Variants in ITSN1 observed in about 807,000 individuals in gnomAD.
ITSN1 encodes intersectin 1, also known as intersectin-1.
ITSN1 carries 58 observed loss-of-function variants against 239.8 expected under a neutral mutation model. The observed-to-expected ratio is 0.24, with a 90% confidence interval of 0.20 to 0.30. The LOEUF is 0.30. ITSN1 is among the 10% of genes least tolerant of loss of function. The pLI is 1.00. For synonymous variants in ITSN1, 780 were observed against 770.8 expected (o/e 1.01, Z -0.20); for missense variants, 1,558 against 2,103.3 (o/e 0.74, Z 5.07).
chr21:33,660,355 T>C (rs928747178), intron 1 of ITSN1, among the ~76,000 whole-genome samples: 3 of 152,204 alleles, frequency 2.0e-5, no homozygotes, highest in Non-Finnish European at 4.4e-5. Flanking sequence ...CAAGGAACTT[T>C]TCTTCATGTG....
At chr21:33,867,162 C>A in intron 32 of ITSN1, 71 bp from the exon 33 acceptor site, 1 of 855,424 alleles carries the variant, frequency 1.2e-6, no homozygotes, top group Non-Finnish European at 2.0e-6. Context: ...TCCTCACTGA[C>A]ATTAGTATTG....
Position 33,755,322 on chromosome 21 carries a change from G to C in ITSN1, c.649G>C (p.Val217Leu), listed in dbSNP as rs1013208908. Reference sequence around the variant, plus strand: ...TGTCCCACCAGTGGCAGAGTGGGCTGTTCCTCAGTCATCAAGACTGAAATA... The same window carrying C: ...TGTCCCACCAGTGGCAGAGTGGGCTCTTCCTCAGTCATCAAGACTGAAATA... Reference protein sequence around the residue: ...ASVPPVAEWAVPQSSRLKYRQ... With the variant: ...ASVPPVAEWALPQSSRLKYRQ... Residue 217 changes from valine (V) to leucine (L), a missense_variant, in exon 8 of 40, where the codon GTT (valine) becomes CTT (leucine). Val to Leu is a conservative substitution (Grantham distance 32). This residue lies in a region of ITSN1 where 982 missense variants were observed against 1,209.9 expected (regional missense o/e 0.81). Transcript: ENST00000381318. 4 of 1,610,382 alleles carry C rather than the reference G, an allele frequency of 2.5e-6. No individual in the cohort carries two copies. The highest frequency in any genetic ancestry group is 2.5e-6 in the Non-Finnish European group (3 of 1,177,862).
intron 1 of ITSN1, among the ~76,000 whole-genome samples, chr21:33,653,020 A>T (rs1348609732): frequency 2.8e-5 from 4 of 144,564 alleles, no homozygotes; most frequent in African/African-American, 7.8e-5. Context: ...TTTTTGACAG[A>T]GTCGTGTTTT....
Position 33,876,180 on chromosome 21 carries a change from TCCTTCCTTCTC to T in ITSN1, c.4341+660_4341+670del. Among the ~76,000 whole-genome samples, 8 of 144,462 alleles carry T rather than the reference TCCTTCCTTCTC, an allele frequency of 5.5e-5. No individual in the cohort carries two copies. In the South Asian group the frequency reaches 9.1e-4, roughly 16 times the overall value. The allele number at this position is 144,462 out of a possible 152,430, so 94.8% of individuals were successfully genotyped here. A position where few individuals can be genotyped will look rare whatever the true frequency, so the allele number is the denominator to read the frequency against. On this transcript the variant is annotated intron_variant, in intron 34 of 39. Coordinates refer to ENST00000381318, the MANE Select transcript of ITSN1 (RefSeq NM_003024.3). ...CTCTCTCCCTCTTTCTTTCTTTCCTTCCTTCCTTCTCTCTTTCTCCTTCCTTCCTCTCTTCT... is the reference window on the plus strand; with the variant it reads ...CTCTCTCCCTCTTTCTTTCTTTCCTTTCTTTCTCCTTCCTTCCTCTCTTCT...
intron 29 of ITSN1, among the ~76,000 whole-genome samples, chr21:33,839,527 C>T (rs1174823890): frequency 7.2e-5 from 11 of 152,120 alleles, no homozygotes; most frequent in Admixed American, 7.2e-4. Flanking sequence ...CTCACTGTCC[C>T]CCAGGCCACC....
chr21:33,671,881 C>T (rs74711407), intron 1 of ITSN1, among the ~76,000 whole-genome samples: 5,692 of 152,258 alleles, frequency 0.037, 351 homozygotes, highest in African/African-American at 0.13. Flanking sequence ...GTATATCCAT[C>T]TTGTCCTTTT....
At chr21:33,789,002 T>C (rs1452223664) in intron 16 of ITSN1, among the ~76,000 whole-genome samples, 1 of 152,216 alleles carries the variant, frequency 6.6e-6, no homozygotes, top group Admixed American at 6.5e-5. Context: ...AAATGGGCTA[T>C]CAGTTTACCT....
chr21:33,862,164 C>CAAAAAAA (rs59129090), intron 31 of ITSN1, among the ~76,000 whole-genome samples: 3 of 79,820 alleles, frequency 3.8e-5, no homozygotes, highest in African/African-American at 5.4e-5. Context: ...GACTGTGTCA[C>CAAAAAAA]AAAAAAAAAA....
chr21:33,749,114 A>G (rs2067379191), intron 5 of ITSN1, among the ~76,000 whole-genome samples: 1 of 150,798 alleles, frequency 6.6e-6, no homozygotes, highest in Admixed American at 6.6e-5. Context: ...TCAGCCTTCC[A>G]TGTAGCTAGG....
chr21:33,736,544 CA>C (rs1245972834), intron 5 of ITSN1, among the ~76,000 whole-genome samples: 2 of 152,216 alleles, frequency 1.3e-5, no homozygotes, highest in Non-Finnish European at 2.9e-5. Context: ...GCAGCCTCCA[CA>C]TGACTGGGGC....
intron 1 of ITSN1, among the ~76,000 whole-genome samples, chr21:33,655,796 C>T (rs1390854203): frequency 1.3e-5 from 2 of 151,814 alleles, no homozygotes; most frequent in Non-Finnish European, 2.9e-5. Flanking sequence ...AATAGTTTAC[C>T]TGGGGCTGGG....
At chr21:33,701,871 C>G (rs2092027205) in intron 1 of ITSN1, among the ~76,000 whole-genome samples, 1 of 151,270 alleles carries the variant, frequency 6.6e-6, no homozygotes, top group Non-Finnish European at 1.5e-5. Context: ...AGTTCCAGAC[C>G]AGCCTGGTCA....
At chr21:33,658,964 G>A (rs889064558) in intron 1 of ITSN1, among the ~76,000 whole-genome samples, 6 of 152,122 alleles carry the variant, frequency 3.9e-5, no homozygotes, top group Non-Finnish European at 7.4e-5. Context: ...ACTGGCTCCT[G>A]GGGATGAGGG....
chr21:33,769,070 T>G (rs1270845337), intron 11 of ITSN1, among the ~76,000 whole-genome samples: 1 of 152,168 alleles, frequency 6.6e-6, no homozygotes, highest in Non-Finnish European at 1.5e-5. Context: ...TATGAGGAAT[T>G]AAATGTCTGT....
intron 22 of ITSN1, chr21:33,817,112 G>C (rs768170958): frequency 2.1e-4 from 244 of 1,146,144 alleles, no homozygotes; most frequent in Non-Finnish European, 2.5e-4. Flanking sequence ...TTTTGTTCTT[G>C]TCCATTCATA....
chr21:33,805,862 T>C (rs558948995), intron 20 of ITSN1, among the ~76,000 whole-genome samples: 2,067 of 149,308 alleles, frequency 0.014, 53 homozygotes, highest in African/African-American at 0.049. Context: ...TTAGTAGAGA[T>C]GGGGTTTCAC....
At chr21:33,676,253 G>C (rs1171917790) in intron 1 of ITSN1, among the ~76,000 whole-genome samples, 1 of 152,064 alleles carries the variant, frequency 6.6e-6, no homozygotes, top group Non-Finnish European at 1.5e-5. Context: ...AGAGTGCTAG[G>C]ATTACACGCA....
At chr21:33,643,310 G>A (rs1331043668) in intron 1 of ITSN1, 1 of 152,254 alleles carries the variant, frequency 6.6e-6, no homozygotes. Context: ...TTAAAGGGGA[G>A]CGTCTTCCGC....
chr21:33,733,342 A>G (rs2066305014), intron 4 of ITSN1, among the ~76,000 whole-genome samples: 1 of 152,214 alleles, frequency 6.6e-6, no homozygotes, highest in South Asian at 2.1e-4. Context: ...GAATCCATGT[A>G]GAAGAAATGT....
Sources: allele counts gnomAD v4.1 joint callset (sites outside exome capture counted in the v4.1 genomes callset), GRCh38; gene constraint gnomAD v4.1.1; regional missense constraint gnomAD v4.1.1; transcripts MANE v1.5; gene names NCBI Gene and HGNC (gene_info 2026-07-23, HGNC 2026-07-21).